The following FMN2 variants were observed in gnomAD, a reference collection of about 807,000 sequenced individuals.
FMN2 encodes the protein formin-2.
In FMN2, 51 loss-of-function variants were observed where a neutral mutation model predicts 142.3. The observed-to-expected ratio is 0.36, with a 90% confidence interval of 0.29 to 0.45. The LOEUF (loss-of-function observed/expected upper bound fraction) is 0.45. Ranked by LOEUF, FMN2 falls within the 20% of genes least tolerant of loss-of-function variation. The probability of loss-of-function intolerance (pLI) is 1.00; values close to 1 mark genes in which losing one functional copy is unlikely to be tolerated. For synonymous variants in FMN2, 882 were observed against 869.8 expected, an observed-to-expected ratio of 1.01 and a Z score of -0.25; for missense variants, 1,936 against 2,122.8, an observed-to-expected ratio of 0.91 and a Z score of 1.73.
chr1:240,269,588 C>T (rs10926192), intron 7 of FMN2, among the ~76,000 whole-genome samples: 99,059 of 151,752 alleles, frequency 0.65, 32,595 homozygotes, highest in East Asian at 0.85. Context: ...AAGAATGACA[C>T]TGGAATTTTG....
chr1:240,273,138 G>T (rs1199317091), intron 7 of FMN2, among the ~76,000 whole-genome samples: 1 of 152,098 alleles, frequency 6.6e-6, no homozygotes, highest in Non-Finnish European at 1.5e-5. Context: ...AAATTCTTAT[G>T]AATTAAGTTG....
At chr1:240,404,040 T>C (rs1674073241) in intron 15 of FMN2, among the ~76,000 whole-genome samples, 1 of 152,122 alleles carries the variant, frequency 6.6e-6, no homozygotes, top group Non-Finnish European at 1.5e-5. Flanking sequence ...AAAGCCAAGA[T>C]TGTATAACAA....
intron 8 of FMN2, among the ~76,000 whole-genome samples, chr1:240,323,476 G>A (rs1295140309): frequency 2.6e-5 from 4 of 152,080 alleles, no homozygotes; most frequent in African/African-American, 4.8e-5. Flanking sequence ...GATTACAGGC[G>A]TGAGCCATGC....
chr1:240,106,844 C>T (rs1179671968), intron 1 of FMN2, among the ~76,000 whole-genome samples: 1 of 151,660 alleles, frequency 6.6e-6, no homozygotes, highest in African/African-American at 2.4e-5. Flanking sequence ...CCACCACGCC[C>T]AGCTAATTTT....
At chr1:240,213,222 C>T (rs549403076) in intron 6 of FMN2, among the ~76,000 whole-genome samples, 1 of 152,184 alleles carries the variant, frequency 6.6e-6, no homozygotes, top group South Asian at 2.1e-4. Flanking sequence ...CATAAATTGT[C>T]GGTAAGAGAC....
At chr1:240,454,282 C>A (rs1453822599) in intron 16 of FMN2, among the ~76,000 whole-genome samples, 4 of 152,112 alleles carry the variant, frequency 2.6e-5, no homozygotes, top group Non-Finnish European at 4.4e-5. Context: ...TGGCTCATGC[C>A]TTTAATCCCA....
intron 15 of FMN2, among the ~76,000 whole-genome samples, chr1:240,423,127 A>G (rs968297432): frequency 3.5e-4 from 53 of 152,202 alleles, no homozygotes; most frequent in African/African-American, 1.1e-3. Flanking sequence ...TGGCATAAAA[A>G]TATCTTTGTG....
intron 7 of FMN2, among the ~76,000 whole-genome samples, chr1:240,291,055 C>T (rs1008597565): frequency 6.6e-6 from 1 of 152,028 alleles, no homozygotes; most frequent in Admixed American, 6.5e-5. Flanking sequence ...CTCAGGTGAT[C>T]CGCCTGCCTT....
intron 16 of FMN2, among the ~76,000 whole-genome samples, chr1:240,467,989 GTTTCT>G (rs1476452996): frequency 1.3e-5 from 2 of 152,006 alleles, no homozygotes; most frequent in African/African-American, 4.8e-5. Context: ...GATGAATGAA[GTTTCT>G]TTTCATTATC....
In FMN2 at chr1:240,178,764, A is replaced by G. The variant is rs1435314925; in HGVS notation, c.1930+696A>G. ...TTCATTTTGTTGTAATAAATTCCCA[A>G]CTTCCTCCTGGTGGACTGACCAGGC... is the stretch of plus-strand genomic sequence containing the variant. On this transcript the variant is annotated intron_variant, in intron 3 of 17. Transcript: ENST00000319653. Among the ~76,000 whole-genome samples, 3 of 152,226 alleles carry G rather than the reference A, an allele frequency of 2.0e-5. No individual in the cohort carries two copies. In the East Asian group the frequency reaches 5.8e-4, roughly 29 times the overall value.
intron 4 of FMN2, among the ~76,000 whole-genome samples, chr1:240,196,759 G>A (rs972283763): frequency 1.3e-5 from 2 of 152,014 alleles, no homozygotes; most frequent in Non-Finnish European, 2.9e-5. Context: ...GCGAACCGCC[G>A]GCCTCGACCT....
chr1:240,400,402 A>G (rs780931174), intron 15 of FMN2, among the ~76,000 whole-genome samples: 27 of 152,210 alleles, frequency 1.8e-4, no homozygotes, highest in Non-Finnish European at 2.8e-4. Flanking sequence ...AAGCCAGGCT[A>G]AAAAATAAAA....
Position 240,439,279 on chromosome 1 carries a change from A to AAAAAG in FMN2, c.5060+1072_5060+1073insAGAAA, listed in dbSNP as rs555074808. On this transcript the variant is annotated intron_variant, in intron 16 of 17. Transcript: ENST00000319653. ...CAGAGCAAGGCTGTCTCAAAAAAAAAAAAGAAAGAAAGAAAGAAAGAAAGA... is the reference window on the plus strand; with the variant it reads ...CAGAGCAAGGCTGTCTCAAAAAAAAAAAAAGAAAGAAAGAAAGAAAGAAAGAAAGA... 2.3e-4 allele frequency among the ~76,000 whole-genome samples: 29 copies of AAAAAG among 124,770 alleles called. 2 individuals carry two copies. Among genetic ancestry groups the AAAAAG allele is most frequent in the African/African-American group, 8.4e-4 (27 of 31,980 alleles). 81.9% of individuals were successfully genotyped at this position (124,770 alleles called of 152,430 possible).
Position 240,299,269 on chromosome 1 carries a change from G to A in FMN2, c.4215+4386G>A, listed in dbSNP as rs550273472. 3.7e-3 allele frequency among the ~76,000 whole-genome samples: 569 copies of A among 152,120 alleles called. 5 individuals are homozygous for A. The highest frequency in any genetic ancestry group is 0.012 in the African/African-American group (485 of 41,504). On this transcript the variant is annotated intron_variant, in intron 8 of 17. Transcript: ENST00000319653. ...GGCCTGAGTTTTTATATTCCATATT[G>A]AACAATATGGTTTGTATAAAATATT...
At chr1:240,169,243 G>A (rs1664603769) in intron 2 of FMN2, among the ~76,000 whole-genome samples, 1 of 152,116 alleles carries the variant, frequency 6.6e-6, no homozygotes, top group South Asian at 2.1e-4. Flanking sequence ...AGGAATAAAT[G>A]TGTCTTCAGA....
At chr1:240,185,176 T>G (rs377494528) in intron 3 of FMN2, among the ~76,000 whole-genome samples, 54 of 125,310 alleles carry the variant, frequency 4.3e-4, no homozygotes, top group South Asian at 1.3e-3. Context: ...CCTACACCTT[T>G]CCCCTTCTCT....
intron 6 of FMN2, among the ~76,000 whole-genome samples, chr1:240,226,208 A>G (rs1350571109): frequency 6.6e-6 from 1 of 150,532 alleles, no homozygotes; most frequent in African/African-American, 2.4e-5. Context: ...TGAATTCCTC[A>G]TAGATAAACA....
intron 4 of FMN2, among the ~76,000 whole-genome samples, chr1:240,196,257 G>A (rs189395969): frequency 2.9e-4 from 44 of 152,306 alleles, no homozygotes; most frequent in African/African-American, 1.1e-3. Context: ...AGCCAGTTAG[G>A]ACCAGCTATT....
Position 240,404,265 on chromosome 1 carries a change from G to A in FMN2, c.4910+11703G>A, listed in dbSNP as rs932213692. Reference sequence around the variant, plus strand: ...TCAGTTTGTAAAATGTTTATCCAAGGAATGGACTTCTGGCACATGGATAAA... The same window carrying A: ...TCAGTTTGTAAAATGTTTATCCAAGAAATGGACTTCTGGCACATGGATAAA... On this transcript the variant is annotated intron_variant, in intron 15 of 17. Coordinates refer to ENST00000319653, the MANE Select transcript of FMN2 (RefSeq NM_020066.5). Among the ~76,000 whole-genome samples, 42 of 152,152 alleles carry A rather than the reference G, an allele frequency of 2.8e-4. 1 individual carries two copies. The highest frequency in any genetic ancestry group is 2.8e-3 in the Admixed American group (42 of 15,268).
Sources: gnomAD v4.1 joint callset for allele counts (sites outside exome capture counted in the v4.1 genomes callset) on GRCh38, gnomAD v4.1.1 for gene constraint, MANE v1.5 for transcripts, NCBI Gene and HGNC (gene_info 2026-07-23, HGNC 2026-07-21) for gene names.